Variants in SPINK8 observed in about 807,000 individuals in gnomAD.
SPINK8 encodes the protein serine peptidase inhibitor Kazal type 8 (putative), also known as serine protease inhibitor Kazal-type 8.
A neutral mutation model predicts 14.4 loss-of-function variants in SPINK8; 12 were observed. The observed-to-expected ratio is 0.83, with a 90% CI of 0.53 to 1.35. SPINK8 has a LOEUF of 1.35. SPINK8 is among the 40% of genes most tolerant of loss of function. The pLI, the probability that SPINK8 is intolerant of heterozygous loss-of-function variation, is 0.00. For synonymous variants in SPINK8, 32 were observed against 37.6 expected, an observed-to-expected ratio of 0.85 and a Z score of 0.55; for missense variants, 103 against 117.0, an observed-to-expected ratio of 0.88 and a Z score of 0.55.
intron 3 of SPINK8, among the ~76,000 whole-genome samples, chr3:48,328,913 A>G (rs542393958): frequency 6.6e-6 from 1 of 152,364 alleles, no homozygotes; most frequent in South Asian, 2.1e-4. Flanking sequence ...CAGTAAAATT[A>G]CTGAAAGGAA....
chr3:48,327,782 C>T (rs757961501), intron 4 of SPINK8, among the ~76,000 whole-genome samples: 4 of 152,144 alleles, frequency 2.6e-5, no homozygotes, highest in South Asian at 4.2e-4. Context: ...AGTGAGACGC[C>T]GTACCAATGG....
chr3:48,321,083 CA>C lies in SPINK8; in HGVS notation c.68-10del. 6.4e-7 allele frequency: 1 copy of C among 1,573,496 alleles called. No individual in the cohort carries two copies. The highest frequency in any genetic ancestry group is 8.6e-7 in the Non-Finnish European group (1 of 1,158,148). On this transcript the variant is annotated splice_polypyrimidine_tract_variant and intron_variant, in intron 4 of 7. Transcript: ENST00000434006. The stretch of plus-strand genomic sequence containing the variant: ...CATAGGAAGGGGGAAGTCTGGAAGA[CA>C]AAAGCACATACAGAAAAGTTGCTTC...
At chr3:48,318,832 G>C (rs556024527) in intron 6 of SPINK8, among the ~76,000 whole-genome samples, 2 of 152,302 alleles carry the variant, frequency 1.3e-5, no homozygotes, top group East Asian at 3.9e-4. Flanking sequence ...CACTCAACTT[G>C]TAAGCCTTAG....
chr3:48,314,153 T>G (rs913645553), intron 6 of SPINK8, among the ~76,000 whole-genome samples: 1 of 152,176 alleles, frequency 6.6e-6, no homozygotes, highest in Non-Finnish European at 1.5e-5. Context: ...TTTGCACCCA[T>G]TTATAGTTAT....
Position 48,306,875 on chromosome 3 carries a change from A to G in SPINK8, c.*117T>C. On this transcript the variant is annotated 3_prime_UTR_variant, in exon 8 of 8. Coordinates refer to ENST00000434006, the MANE Select transcript of SPINK8 (RefSeq NM_001080525.3). ...TAAGAATCATTTATTGAAGACATAA[A>G]TCAACGAGTTTGATCCAACCATTAG... The G allele has an allele frequency of 9.8e-7, 1 of 1,020,356 alleles. No individual in the cohort carries two copies. Among genetic ancestry groups the G allele is most frequent in the Non-Finnish European group, 1.4e-6 (1 of 690,416 alleles). 63.2% of individuals were successfully genotyped at this position (1,020,356 alleles called of 1,614,324 possible).
chr3:48,319,494 T>TA lies in SPINK8; in HGVS notation c.239+2dup, dbSNP rs777295724. The TA allele has an allele frequency of 6.2e-7, 1 of 1,613,878 alleles. No homozygotes were observed. The highest frequency in any genetic ancestry group is 8.5e-7 in the Non-Finnish European group (1 of 1,179,824). The stretch of plus-strand genomic sequence containing the variant: ...AGAAAGGGAGAACAAAATTAGGACT[T>TA]ACAGAATTTTGGAGCACAGATGGCA... On this transcript the variant is annotated splice_region_variant and intron_variant, in intron 6 of 7. Transcript: ENST00000434006.
At chr3:48,325,654 G>A (rs2036129807) in intron 4 of SPINK8, among the ~76,000 whole-genome samples, 1 of 148,918 alleles carries the variant, frequency 6.7e-6, no homozygotes, top group South Asian at 2.1e-4. Flanking sequence ...GTGCAATGGT[G>A]CGAACTCAGC....
chr3:48,318,911 C>T (rs1192383148), intron 6 of SPINK8, among the ~76,000 whole-genome samples: 1 of 152,202 alleles, frequency 6.6e-6, no homozygotes, highest in Non-Finnish European at 1.5e-5. Flanking sequence ...TAACTGTATA[C>T]GGAGTTTCCT....
At chr3:48,309,121 G>A (rs1241704910) in intron 7 of SPINK8, among the ~76,000 whole-genome samples, 1 of 152,226 alleles carries the variant, frequency 6.6e-6, no homozygotes, top group Non-Finnish European at 1.5e-5. Context: ...TTGTCATGGA[G>A]ATGGTGTCAG....
chr3:48,328,549 AT>A lies in SPINK8; in HGVS notation c.-13-196del, dbSNP rs373114999. 9.0e-4 allele frequency among the ~76,000 whole-genome samples: 137 copies of A among 152,362 alleles called. 1 individual carries two copies. The highest frequency in any genetic ancestry group is 3.1e-3 in the African/African-American group (130 of 41,582). ...AAATCTTTGGACATTTGAAAAAAAA[AT>A]CTTAAAAACAGAATTTTAGAAGATG... is the stretch of plus-strand genomic sequence containing the variant. On this transcript the variant is annotated intron_variant, in intron 3 of 7. Coordinates refer to ENST00000434006, the MANE Select transcript of SPINK8 (RefSeq NM_001080525.3).
chr3:48,307,188 A>T (rs1451602692), intron 7 of SPINK8, among the ~76,000 whole-genome samples, 185 bp from the exon 8 acceptor site: 1 of 152,180 alleles, frequency 6.6e-6, no homozygotes, highest in Non-Finnish European at 1.5e-5. Flanking sequence ...GTCGGTGGAA[A>T]AGAGGCAAAG....
At position 48,306,870 on chromosome 3, in the gene SPINK8, CAT is replaced by C; in HGVS notation, c.*120_*121del. 1.1e-6 allele frequency: 1 copy of C among 938,122 alleles called. No individual in the cohort carries two copies. Among genetic ancestry groups the C allele is most frequent in the Non-Finnish European group, 1.6e-6 (1 of 618,610 alleles). 58.1% of individuals were successfully genotyped at this position (938,122 alleles called of 1,614,324 possible). On this transcript the variant is annotated 3_prime_UTR_variant, in exon 8 of 8. Transcript: ENST00000434006. ...TCTGCTAAGAATCATTTATTGAAGA[CAT>C]AAATCAACGAGTTTGATCCAACCAT... is the stretch of plus-strand genomic sequence containing the variant.
intron 4 of SPINK8, among the ~76,000 whole-genome samples, chr3:48,327,814 G>C (rs112837921): frequency 0.01 from 1,597 of 152,296 alleles, 15 homozygotes; most frequent in Non-Finnish European, 0.014. Flanking sequence ...TTGAAGACAA[G>C]TAGGAAAGAG....
At chr3:48,327,048 A>T (rs1444405969) in intron 4 of SPINK8, among the ~76,000 whole-genome samples, 1 of 152,242 alleles carries the variant, frequency 6.6e-6, no homozygotes, top group Non-Finnish European at 1.5e-5. Context: ...CACACAGTAT[A>T]TATTTATTGG....
chr3:48,314,408 G>A (rs1232227719), intron 6 of SPINK8, among the ~76,000 whole-genome samples: 1 of 151,710 alleles, frequency 6.6e-6, no homozygotes, highest in African/African-American at 2.4e-5. Context: ...TTCTCAGTAA[G>A]AATAGTGAGT....
intron 7 of SPINK8, among the ~76,000 whole-genome samples, chr3:48,307,405 C>T (rs1261825921): frequency 6.7e-6 from 1 of 149,994 alleles, no homozygotes; most frequent in Admixed American, 6.7e-5. Context: ...TCCTTCCTTC[C>T]TTCTTTCCTT....
At chr3:48,319,136 TC>T (rs1327895771) in intron 6 of SPINK8, among the ~76,000 whole-genome samples, 1 of 152,224 alleles carries the variant, frequency 6.6e-6, no homozygotes. Context: ...CTCTTCCTCT[TC>T]TTTTTGTTCT....
rs1486327173 is a variant in SPINK8 at position 48,328,366 on chromosome 3, T to C, written c.-13-12A>G. 4 of 1,598,524 alleles carry C rather than the reference T, an allele frequency of 2.5e-6. No individual in the cohort carries two copies. The African/African-American group carries it at 5.4e-5, about 21-fold the overall frequency. On this transcript the variant is annotated splice_polypyrimidine_tract_variant and intron_variant, in intron 3 of 7. Transcript: ENST00000434006. ...TGGTGACAGAAGAACTGTGGAAATATGCAACTTTTGATGTAGGACAAACAT... is the reference window on the plus strand; with the variant it reads ...TGGTGACAGAAGAACTGTGGAAATACGCAACTTTTGATGTAGGACAAACAT...
intron 2 of SPINK8, among the ~76,000 whole-genome samples, chr3:48,330,383 G>A (rs2036237500): frequency 6.6e-6 from 1 of 152,114 alleles, no homozygotes; most frequent in Non-Finnish European, 1.5e-5. Context: ...GCTGGGCGTG[G>A]TGGTGCGTGC....
Sources: gnomAD v4.1 joint callset for allele counts (sites outside exome capture counted in the v4.1 genomes callset) on GRCh38, gnomAD v4.1.1 for gene constraint, MANE v1.5 for transcripts, NCBI Gene and HGNC (gene_info 2026-07-23, HGNC 2026-07-21) for gene names.